Variants in DNAH9 observed in about 807,000 individuals in gnomAD.
The protein encoded by DNAH9 is DNAH9 variant protein.
A neutral mutation model predicts 471.6 loss-of-function variants in DNAH9; 345 were observed. The ratio of observed to expected loss-of-function variants is 0.73; its 90% CI spans 0.67 to 0.80. The LOEUF is 0.80. Among genes scored for constraint, DNAH9 ranks in the 30% least tolerant of loss-of-function variants. DNAH9 has a pLI of 0.00. For missense variants in DNAH9, 5,407 were observed against 5,609.2 expected, an observed-to-expected ratio of 0.96 and a Z score of 1.15; for synonymous variants, 2,093 against 2,123.6, an observed-to-expected ratio of 0.99 and a Z score of 0.40.
At chr17:11,857,077 C>T (rs1316179066) in intron 50 of DNAH9, among the ~76,000 whole-genome samples, 1 of 152,092 alleles carries the variant, frequency 6.6e-6, no homozygotes, top group East Asian at 1.9e-4. Flanking sequence ...TTATATTTTT[C>T]AGTCTCTTCC....
chr17:11,685,801 AT>A (rs66577382), intron 19 of DNAH9, among the ~76,000 whole-genome samples: 4,444 of 123,556 alleles, frequency 0.036, 122 homozygotes, highest in African/African-American at 0.11. Context: ...GGATACATTA[AT>A]TTTTTTTTTT....
intron 67 of DNAH9, among the ~76,000 whole-genome samples, chr17:11,949,214 C>T (rs1001596116): frequency 3.3e-5 from 5 of 152,158 alleles, no homozygotes; most frequent in African/African-American, 4.8e-5. Context: ...AGCCAGATAG[C>T]CCTCCTATCC....
At position 11,622,447 on chromosome 17, in the gene DNAH9, A is replaced by T. The variant is rs1359235407; in HGVS notation, c.1350+2666A>T. Among the ~76,000 whole-genome samples the T allele has an allele frequency of 2.0e-5, 3 of 152,122 alleles. No homozygotes were observed. In the East Asian group the frequency reaches 5.8e-4, roughly 29 times the overall value. ...ACTCTGTATTCCTCTCATATCCACCACCAATTCCTTTGCTGCTGTTTAGTG... is the reference window on the plus strand; with the variant it reads ...ACTCTGTATTCCTCTCATATCCACCTCCAATTCCTTTGCTGCTGTTTAGTG... On this transcript the variant is annotated intron_variant, in intron 6 of 68. Transcript: ENST00000262442.
intron 59 of DNAH9, among the ~76,000 whole-genome samples, chr17:11,900,882 TTAAGTATC>T (rs1426204985): frequency 6.6e-6 from 1 of 152,082 alleles, no homozygotes; most frequent in Non-Finnish European, 1.5e-5. Context: ...CTGCAGGTAA[TTAAGTATC>T]TAAGTGAGTG....
At chr17:11,930,245 C>A in intron 63 of DNAH9, 152 bp downstream of exon 63, 1 of 680,862 alleles carries the variant, frequency 1.5e-6, no homozygotes, top group Non-Finnish European at 2.5e-6. Context: ...CCACCTGATG[C>A]CCACTCAGGG....
At chr17:11,837,701 G>A (rs1413448783) in intron 49 of DNAH9, among the ~76,000 whole-genome samples, 1 of 152,166 alleles carries the variant, frequency 6.6e-6, no homozygotes, top group African/African-American at 2.4e-5. Flanking sequence ...ATCTTCCATG[G>A]TTTCCCATCA....
chr17:11,920,632 A>G (rs1597828293), intron 61 of DNAH9, among the ~76,000 whole-genome samples: 1 of 107,190 alleles, frequency 9.3e-6, no homozygotes. Flanking sequence ...AAAAAAAAAA[A>G]AAAGAAAAGA....
At chr17:11,810,110 C>G in intron 44 of DNAH9, 136 bp from the exon 45 acceptor site, 1 of 1,095,132 alleles carries the variant, frequency 9.1e-7, no homozygotes, top group Non-Finnish European at 1.3e-6. Context: ...AGCCCTCCCC[C>G]AGCTTCCCAT....
intron 8 of DNAH9, among the ~76,000 whole-genome samples, chr17:11,636,418 C>T (rs985407474): frequency 9.2e-5 from 14 of 152,034 alleles, no homozygotes; most frequent in Non-Finnish European, 1.3e-4. Flanking sequence ...GTGAGTAACT[C>T]GGCAGACAGG....
intron 28 of DNAH9, among the ~76,000 whole-genome samples, chr17:11,738,476 A>T (rs1386178936): frequency 6.6e-6 from 1 of 152,090 alleles, no homozygotes; most frequent in African/African-American, 2.4e-5. Flanking sequence ...CACCTCCCTG[A>T]TTCAAACAAT....
chr17:11,697,429 T>C (rs2074496266), intron 22 of DNAH9, among the ~76,000 whole-genome samples: 1 of 152,192 alleles, frequency 6.6e-6, no homozygotes, highest in Non-Finnish European at 1.5e-5. Context: ...CTAGATAGCC[T>C]AATTTCTTTC....
intron 56 of DNAH9, chr17:11,884,524 C>T (rs765437476): frequency 3.5e-5 from 16 of 455,574 alleles, no homozygotes; most frequent in South Asian, 2.5e-4. Context: ...ACGGAAGATG[C>T]TTATTGCCAG....
At chr17:11,816,440 T>C (rs10521191) in intron 45 of DNAH9, among the ~76,000 whole-genome samples, 15,344 of 152,264 alleles carry the variant, frequency 0.1, 2,043 homozygotes, top group African/African-American at 0.3. Context: ...ATGAGAATGA[T>C]GTGCCATTAA....
chr17:11,941,725 T>C (rs1386252507), intron 66 of DNAH9, among the ~76,000 whole-genome samples: 1 of 141,950 alleles, frequency 7.0e-6, no homozygotes, highest in Non-Finnish European at 1.6e-5. Flanking sequence ...GATAGATAGA[T>C]AGATAGATAG....
intron 22 of DNAH9, among the ~76,000 whole-genome samples, chr17:11,696,574 A>AC (rs1289610273): frequency 6.6e-6 from 1 of 152,124 alleles, no homozygotes; most frequent in Non-Finnish European, 1.5e-5. Context: ...AGCTTCTCAA[A>AC]CAGAGCCAAA....
Position 11,827,834 on chromosome 17 carries a change from C to T in DNAH9, c.9246+4800C>T, listed in dbSNP as rs544345462. 2.0e-4 allele frequency among the ~76,000 whole-genome samples: 30 copies of T among 152,140 alleles called. 1 individual carries two copies. Among genetic ancestry groups the T allele is most frequent in the Middle Eastern group, 3.4e-3 (1 of 294 alleles). On this transcript the variant is annotated intron_variant, in intron 48 of 68. Transcript: ENST00000262442. ...CCAAGTAGCTGGGATTACAGGCATGCGCCACCACACCCGGCTAATTTTTGT... is the reference window on the plus strand; with the variant it reads ...CCAAGTAGCTGGGATTACAGGCATGTGCCACCACACCCGGCTAATTTTTGT...
intron 33 of DNAH9, 143 bp downstream of exon 33, chr17:11,753,103 A>G (rs1967228295): frequency 1.7e-6 from 1 of 580,668 alleles, no homozygotes; most frequent in South Asian, 3.4e-5. Flanking sequence ...TTCACCACAC[A>G]TCTCTGCACT....
Position 11,902,901 on chromosome 17 carries a change from C to T in DNAH9, c.11589C>T (p.Thr3863=). ...MLRAMRPDRM[T]YALRDFVEEK... is the part of the protein sequence containing the mutation. ...GAGCCATGCGGCCCGACCGGATGACCTATGCTTTGCGGTAGGAAACAGGGT... is the reference window on the plus strand; with the variant it reads ...GAGCCATGCGGCCCGACCGGATGACTTATGCTTTGCGGTAGGAAACAGGGT... Residue 3863 remains threonine, a synonymous_variant, in exon 60 of 69, where the codon ACC becomes ACT. Coordinates refer to ENST00000262442, the MANE Select transcript of DNAH9 (RefSeq NM_001372.4). 6.2e-7 allele frequency: 1 copy of T among 1,612,816 alleles called. No individual in the cohort carries two copies. Among genetic ancestry groups the T allele is most frequent in the Non-Finnish European group, 8.5e-7 (1 of 1,179,618 alleles).
chr17:11,621,068 T>A (rs2072849422), intron 6 of DNAH9, among the ~76,000 whole-genome samples: 1 of 151,982 alleles, frequency 6.6e-6, no homozygotes, highest in South Asian at 2.1e-4. Context: ...CCTAATAAAA[T>A]GAAATACAGA....
Sources: gnomAD v4.1 joint callset for allele counts (sites outside exome capture counted in the v4.1 genomes callset) on GRCh38, gnomAD v4.1.1 for gene constraint, MANE v1.5 for transcripts, NCBI Gene and HGNC (gene_info 2026-07-23, HGNC 2026-07-21) for gene names.